COL23A1: variants seen among roughly 807,000 people sequenced by gnomAD.
The protein encoded by COL23A1 is collagen type XXIII alpha 1 chain.
Under a neutral mutation model 99.3 loss-of-function variants are expected in COL23A1, and 97 were observed. The ratio of observed to expected loss-of-function variants is 0.98; its 90% CI spans 0.83 to 1.16. The LOEUF (loss-of-function observed/expected upper bound fraction) is 1.16, where lower values mean the gene tolerates loss of function less well. Among genes scored for constraint, COL23A1 ranks in the 50% most tolerant of loss-of-function variants. The pLI, the probability that COL23A1 is intolerant of heterozygous loss-of-function variation, is 0.00. For missense variants in COL23A1, 762 were observed against 757.4 expected, an observed-to-expected ratio of 1.01 and a Z score of -0.07; for synonymous variants, 320 against 308.2, an observed-to-expected ratio of 1.04 and a Z score of -0.40.
chr5:178,286,454 G>C (rs546598975), intron 5 of COL23A1, among the ~76,000 whole-genome samples: 1 of 152,294 alleles, frequency 6.6e-6, no homozygotes, highest in East Asian at 1.9e-4. Flanking sequence ...GAGGGAGCCC[G>C]ATACCACCCC....
At chr5:178,502,337 T>C (rs1208899150) in intron 2 of COL23A1, among the ~76,000 whole-genome samples, 1 of 152,204 alleles carries the variant, frequency 6.6e-6, no homozygotes, top group South Asian at 2.1e-4. Context: ...TTCACCATGT[T>C]AGCCAGGATG....
intron 7 of COL23A1, among the ~76,000 whole-genome samples, chr5:178,267,684 C>T (rs752775243): frequency 6.6e-5 from 10 of 152,156 alleles, no homozygotes; most frequent in African/African-American, 9.7e-5. Context: ...TTGCTTTACA[C>T]GGCCAAGTTT....
intron 2 of COL23A1, among the ~76,000 whole-genome samples, chr5:178,333,738 T>C (rs1760170041): frequency 6.6e-6 from 1 of 152,202 alleles, no homozygotes; most frequent in Admixed American, 6.5e-5. Context: ...GCCTGGCCTG[T>C]GACTGGCCCC....
chr5:178,279,973 G>A lies in COL23A1; in HGVS notation c.441+8351C>T, dbSNP rs1377584179. Among the ~76,000 whole-genome samples the A allele has an allele frequency of 2.6e-5, 4 of 152,238 alleles. 1 individual carries two copies. Among genetic ancestry groups the A allele is most frequent in the Non-Finnish European group, 5.9e-5 (4 of 68,044 alleles). On this transcript the variant is annotated intron_variant, in intron 5 of 28. Transcript: ENST00000390654. ...CACTCAACCACAGGCTCCAAGTGGG[G>A]AGGGACCCCTGGATGTGTTTCCTGC...
At chr5:178,446,089 TTCCATATATATATA>T (rs1767145130) in intron 2 of COL23A1, among the ~76,000 whole-genome samples, 1 of 151,442 alleles carries the variant, frequency 6.6e-6, no homozygotes, top group African/African-American at 2.4e-5. Context: ...ATCAAAAAAT[TTCCATATATATATA>T]TTTTTAAACA....
intron 2 of COL23A1, among the ~76,000 whole-genome samples, chr5:178,406,045 G>A (rs187523848): frequency 1.5e-4 from 23 of 152,316 alleles, no homozygotes; most frequent in Non-Finnish European, 2.6e-4. Flanking sequence ...GGAGGCTGCA[G>A]TGAGCTGAGA....
In COL23A1 at chr5:178,249,716, A is replaced by ACACACACACACTCT; in HGVS notation, c.1059+344_1059+345insAGAGTGTGTGTGTG. Among the ~76,000 whole-genome samples, 323 of 92,776 alleles carry ACACACACACACTCT rather than the reference A, an allele frequency of 3.5e-3. 2 individuals carry two copies. The highest frequency in any genetic ancestry group is 0.013 in the African/African-American group (304 of 23,454). The allele number at this position is 92,776 out of a possible 152,430, so 60.9% of individuals were successfully genotyped here. On this transcript the variant is annotated intron_variant, in intron 18 of 28. Transcript: ENST00000390654. ...CACACACACACACACACACACACAC[A>ACACACACACACTCT]CTCTCTCTCTCTCTCTCTCTCTCTC...
At chr5:178,549,351 C>T (rs568385790) in intron 2 of COL23A1, among the ~76,000 whole-genome samples, 10 of 151,684 alleles carry the variant, frequency 6.6e-5, no homozygotes, top group African/African-American at 2.2e-4. Context: ...AAAAGACACA[C>T]AAATAACAAG....
chr5:178,392,196 TA>T (rs1764004948), intron 2 of COL23A1, among the ~76,000 whole-genome samples: 1 of 150,844 alleles, frequency 6.6e-6, no homozygotes, highest in Admixed American at 6.6e-5. Context: ...GTGAGTATAA[TA>T]AAAACCACTG....
intron 3 of COL23A1, among the ~76,000 whole-genome samples, chr5:178,296,546 C>A (rs1336422843): frequency 6.6e-6 from 1 of 152,150 alleles, no homozygotes. Flanking sequence ...CCCAGGCCCC[C>A]TTTCTTGGCC....
At chr5:178,257,592 G>A (rs1765377038) in intron 12 of COL23A1, 25 bp from the exon 13 acceptor site, 2 of 1,552,084 alleles carry the variant, frequency 1.3e-6, no homozygotes, top group Non-Finnish European at 1.7e-6. Context: ...CCTGGGGCTT[G>A]CCGGTCAGAC....
At chr5:178,448,913 T>G (rs148278519) in intron 2 of COL23A1, among the ~76,000 whole-genome samples, 2,654 of 149,622 alleles carry the variant, frequency 0.018, 65 homozygotes, top group African/African-American at 0.061. Flanking sequence ...AAATAAAGTT[T>G]TTTTTTTTTT....
chr5:178,492,431 GGA>G (rs1224785410), intron 2 of COL23A1, among the ~76,000 whole-genome samples: 1 of 152,134 alleles, frequency 6.6e-6, no homozygotes, highest in Non-Finnish European at 1.5e-5. Context: ...CTACGAGCCA[GGA>G]GAGAGGCCTC....
chr5:178,431,206 G>A (rs919643630), intron 2 of COL23A1, among the ~76,000 whole-genome samples: 7 of 152,230 alleles, frequency 4.6e-5, no homozygotes, highest in African/African-American at 1.7e-4. Flanking sequence ...CAGGCTGCCA[G>A]TGGGGAGCTG....
At chr5:178,349,248 AG>A (rs1761165732) in intron 2 of COL23A1, among the ~76,000 whole-genome samples, 1 of 152,136 alleles carries the variant, frequency 6.6e-6, no homozygotes, top group Admixed American at 6.5e-5. Flanking sequence ...GAGAAATAAC[AG>A]GGGCACAGGC....
chr5:178,505,703 G>T (rs987520190), intron 2 of COL23A1, among the ~76,000 whole-genome samples: 1 of 152,124 alleles, frequency 6.6e-6, no homozygotes, highest in Non-Finnish European at 1.5e-5. Context: ...CTTTTTGAAG[G>T]GGCACAATTC....
chr5:178,300,448 C>A (rs1478443966), intron 3 of COL23A1, among the ~76,000 whole-genome samples: 1 of 152,130 alleles, frequency 6.6e-6, no homozygotes, highest in South Asian at 2.1e-4. Flanking sequence ...AATATGCCAT[C>A]CTACTGCCGT....
intron 19 of COL23A1, among the ~76,000 whole-genome samples, chr5:178,248,473 C>T (rs973059480): frequency 6.6e-6 from 1 of 152,182 alleles, no homozygotes; most frequent in Non-Finnish European, 1.5e-5. Context: ...ACATTGTTTT[C>T]CTGGGGTGCA....
intron 5 of COL23A1, among the ~76,000 whole-genome samples, chr5:178,278,414 T>TTGGA (rs1265839779): frequency 6.6e-6 from 1 of 152,170 alleles, no homozygotes; most frequent in Non-Finnish European, 1.5e-5. Context: ...TTTATAGAAT[T>TTGGA]TGGATTTCCA....
Sources: gnomAD v4.1 joint callset for allele counts (sites outside exome capture counted in the v4.1 genomes callset) on GRCh38, gnomAD v4.1.1 for gene constraint, MANE v1.5 for transcripts, NCBI Gene and HGNC (gene_info 2026-07-23, HGNC 2026-07-21) for gene names.